Variants in GRIK1 observed in about 807,000 individuals in gnomAD.
GRIK1 encodes glutamate ionotropic receptor kainate type subunit 1, also known as glutamate receptor ionotropic, kainate 1.
A neutral mutation model predicts 105.7 loss-of-function variants in GRIK1; 69 were observed. The ratio of observed to expected loss-of-function variants is 0.65; its 90% CI spans 0.54 to 0.80. The LOEUF is 0.80. Among genes scored for constraint, GRIK1 ranks in the 30% least tolerant of loss-of-function variants. The pLI, the probability that GRIK1 is intolerant of heterozygous loss-of-function variation, is 0.00. For missense variants in GRIK1, 1,109 were observed against 1,167.3 expected (o/e 0.95, Z 0.73); for synonymous variants, 438 against 431.3 (o/e 1.02, Z -0.19).
At position 29,560,535 on chromosome 21, in the gene GRIK1, T is replaced by TC. The variant is rs1491554544; in HGVS notation, c.2356+1088dup. Among the ~76,000 whole-genome samples, 7 of 98,402 alleles carry TC rather than the reference T, an allele frequency of 7.1e-5. 1 individual carries two copies. Among genetic ancestry groups the TC allele is most frequent in the African/African-American group, 1.4e-4 (3 of 22,072 alleles). The allele number at this position is 98,402 out of a possible 152,430, so 64.6% of individuals were successfully genotyped here. A position where few individuals can be genotyped will look rare whatever the true frequency, so the allele number is the denominator to read the frequency against. ...TCCTTCCTTCCTTTCTTTCTTTCTT[T>TC]CTTTCTTTCTTTCTTTCTTTCTTTC... On this transcript the variant is annotated intron_variant, in intron 15 of 17. Transcript: ENST00000327783.
rs111994514 is a variant in GRIK1 at position 29,810,814 on chromosome 21, A to G, written c.119-116751T>C. Among the ~76,000 whole-genome samples, 1,028 of 152,194 alleles carry G rather than the reference A, an allele frequency of 6.8e-3. 6 individuals are homozygous for G. The highest frequency in any genetic ancestry group is 0.011 in the Non-Finnish European group (757 of 68,000). ...CCCCACCACCTTGAAATGTTCATCA[A>G]GCATCTATTTTCATGCTTGTGCATA... On this transcript the variant is annotated intron_variant, in intron 1 of 17. Coordinates refer to ENST00000327783, the MANE Select transcript of GRIK1 (RefSeq NM_001330994.2).
intron 1 of GRIK1, among the ~76,000 whole-genome samples, chr21:29,839,532 A>G (rs1469266449): frequency 1.3e-5 from 2 of 152,198 alleles, no homozygotes; most frequent in African/African-American, 2.4e-5. Context: ...AAAATATAAG[A>G]CAGTTACAAA....
At chr21:29,841,899 T>C (rs1469010321) in intron 1 of GRIK1, among the ~76,000 whole-genome samples, 4 of 152,146 alleles carry the variant, frequency 2.6e-5, no homozygotes, top group Admixed American at 6.6e-5. Context: ...AGCTACAAAA[T>C]AAGCAACACT....
At chr21:29,758,295 A>C (rs1020283429) in intron 1 of GRIK1, among the ~76,000 whole-genome samples, 2 of 152,238 alleles carry the variant, frequency 1.3e-5, no homozygotes, top group African/African-American at 4.8e-5. Flanking sequence ...TATAAAGAAA[A>C]GAGGTTTAAT....
chr21:29,562,796 T>C (rs896054370), intron 14 of GRIK1, among the ~76,000 whole-genome samples: 2 of 152,348 alleles, frequency 1.3e-5, no homozygotes, highest in Non-Finnish European at 1.5e-5. Context: ...TCTTTTCTCA[T>C]ATTCTTCAGC....
intron 3 of GRIK1, among the ~76,000 whole-genome samples, chr21:29,676,460 G>A (rs1160388566): frequency 2.0e-5 from 3 of 152,184 alleles, no homozygotes; most frequent in African/African-American, 7.2e-5. Flanking sequence ...TTTGCATTTT[G>A]CAGCAATCCA....
At chr21:29,785,297 C>T (rs1047903756) in intron 1 of GRIK1, among the ~76,000 whole-genome samples, 1 of 152,152 alleles carries the variant, frequency 6.6e-6, no homozygotes, top group Non-Finnish European at 1.5e-5. Context: ...AGTGTGGTGG[C>T]TCATGCCGTA....
At chr21:29,654,958 A>T (rs1318391011) in intron 4 of GRIK1, 95 bp from the exon 5 acceptor site, 1 of 812,444 alleles carries the variant, frequency 1.2e-6, no homozygotes, top group African/African-American at 1.7e-5. Flanking sequence ...GAAACATAGA[A>T]CAGGAAGGGA....
At chr21:29,771,757 A>C (rs1329857802) in intron 1 of GRIK1, among the ~76,000 whole-genome samples, 3 of 152,188 alleles carry the variant, frequency 2.0e-5, no homozygotes, top group Non-Finnish European at 4.4e-5. Flanking sequence ...CCCAGTAAGC[A>C]CCTTTTGGCT....
chr21:29,823,918 G>T (rs1272036491), intron 1 of GRIK1, among the ~76,000 whole-genome samples: 1 of 151,924 alleles, frequency 6.6e-6, no homozygotes, highest in Non-Finnish European at 1.5e-5. Context: ...GAATAAAGTA[G>T]TATTTTTAGT....
chr21:29,864,245 CAA>C (rs957935508), intron 1 of GRIK1, among the ~76,000 whole-genome samples: 2 of 152,030 alleles, frequency 1.3e-5, no homozygotes, highest in African/African-American at 4.8e-5. Context: ...GTCAAAATTT[CAA>C]AGACATAATT....
chr21:29,913,674 T>A (rs1171639064), intron 1 of GRIK1, among the ~76,000 whole-genome samples: 3 of 90,628 alleles, frequency 3.3e-5, no homozygotes, highest in Non-Finnish European at 6.2e-5. Context: ...AAACACTAAA[T>A]ATATATATAT....
chr21:29,792,511 G>A (rs1381526159), intron 1 of GRIK1, among the ~76,000 whole-genome samples: 1 of 152,174 alleles, frequency 6.6e-6, no homozygotes, highest in Non-Finnish European at 1.5e-5. Context: ...AAATCCTAGA[G>A]CATTGTCAAA....
In GRIK1 at chr21:29,914,528, C is replaced by T. The variant is rs77932634; in HGVS notation, c.118+24855G>A. 2.3e-3 allele frequency among the ~76,000 whole-genome samples: 352 copies of T among 152,222 alleles called. 6 individuals carry two copies. In the East Asian group the frequency reaches 0.042, roughly 18 times the overall value. On this transcript the variant is annotated intron_variant, in intron 1 of 17. Transcript: ENST00000327783. ...AACTTCAAGCCCTGACTTGACTGAG[C>T]TGCTATGCCAATCCTGACCTACTAA...
At chr21:29,620,657 GA>G (rs56146112) in intron 7 of GRIK1, among the ~76,000 whole-genome samples, 5,039 of 138,408 alleles carry the variant, frequency 0.036, 82 homozygotes, top group East Asian at 0.061. Flanking sequence ...TGGACCAAAG[GA>G]AAAAAAAAAA....
chr21:29,776,651 C>G (rs1315643199), intron 1 of GRIK1, among the ~76,000 whole-genome samples: 1 of 152,152 alleles, frequency 6.6e-6, no homozygotes, highest in Non-Finnish European at 1.5e-5. Flanking sequence ...AATATTTTAA[C>G]TCCCTGTTGA....
chr21:29,620,012 T>TCTCTTTAC (rs1332199235), intron 7 of GRIK1, among the ~76,000 whole-genome samples: 18 of 152,206 alleles, frequency 1.2e-4, no homozygotes, highest in Admixed American at 3.3e-4. Context: ...CCTGAGAGAT[T>TCTCTTTAC]TCCATTAAGT....
chr21:29,625,618 C>G (rs1401706599), intron 7 of GRIK1, among the ~76,000 whole-genome samples: 1 of 152,162 alleles, frequency 6.6e-6, no homozygotes, highest in Non-Finnish European at 1.5e-5. Context: ...TTGTCCCTGA[C>G]AAGCACTCCC....
At chr21:29,863,818 AGTTTG>A (rs2068721606) in intron 1 of GRIK1, among the ~76,000 whole-genome samples, 1 of 152,150 alleles carries the variant, frequency 6.6e-6, no homozygotes, top group African/African-American at 2.4e-5. Flanking sequence ...TCATTTGTTT[AGTTTG>A]GTACAGATAG....
Sources: allele counts gnomAD v4.1 joint callset (sites outside exome capture counted in the v4.1 genomes callset), GRCh38; gene constraint gnomAD v4.1.1; transcripts MANE v1.5; gene names NCBI Gene and HGNC (gene_info 2026-07-23, HGNC 2026-07-21).